The following GFRA1 variants were observed in gnomAD, a reference collection of about 807,000 sequenced individuals.
The protein encoded by GFRA1 is GDNF family receptor alpha-1.
In GFRA1, 16 loss-of-function variants were observed where a neutral mutation model predicts 51.6. The ratio of observed to expected loss-of-function variants is 0.31; its 90% CI spans 0.21 to 0.47. The LOEUF (loss-of-function observed/expected upper bound fraction) is 0.47. Among genes scored for constraint, GFRA1 ranks in the 20% least tolerant of loss-of-function variants. The probability of loss-of-function intolerance (pLI) is 1.00; values close to 1 mark genes in which losing one functional copy is unlikely to be tolerated. For missense variants in GFRA1, 530 were observed against 594.3 expected (o/e 0.89, Z 1.13); for synonymous variants, 270 against 241.3 (o/e 1.12, Z -1.10).
chr10:116,229,151 C>T (rs1487654703), intron 4 of GFRA1, among the ~76,000 whole-genome samples: 1 of 152,002 alleles, frequency 6.6e-6, no homozygotes, highest in African/African-American at 2.4e-5. Flanking sequence ...GAACTATACA[C>T]TAATAAATTT....
At chr10:116,261,099 C>T (rs1170634681) in intron 4 of GFRA1, among the ~76,000 whole-genome samples, 1 of 152,164 alleles carries the variant, frequency 6.6e-6, no homozygotes, top group Non-Finnish European at 1.5e-5. Context: ...GGCTGTGGCT[C>T]TCATGCTAAA....
chr10:116,115,309 G>C (rs894937935), intron 6 of GFRA1, among the ~76,000 whole-genome samples: 1 of 152,084 alleles, frequency 6.6e-6, no homozygotes, highest in Admixed American at 6.5e-5. Flanking sequence ...GCCTGGCTGT[G>C]AGACCCAGGC....
At chr10:116,162,616 T>C (rs1430584638) in intron 5 of GFRA1, among the ~76,000 whole-genome samples, 1 of 152,220 alleles carries the variant, frequency 6.6e-6, no homozygotes, top group Non-Finnish European at 1.5e-5. Context: ...CTGTACTTAA[T>C]GGAGGAGCTC....
rs146925081 is a variant in GFRA1 at position 116,100,871 on chromosome 10, T to C, written c.771-4107A>G. On this transcript the variant is annotated intron_variant, in intron 6 of 10. Transcript: ENST00000355422. The stretch of plus-strand genomic sequence containing the variant: ...GGATGCCCGGAAATGTGGATATCAA[T>C]AGAATGAAAGTCAAAACTTCGGACT... Among the ~76,000 whole-genome samples the C allele has an allele frequency of 3.3e-3, 501 of 152,162 alleles. 2 individuals carry two copies. The highest frequency in any genetic ancestry group is 0.012 in the African/African-American group (491 of 41,512).
intron 4 of GFRA1, among the ~76,000 whole-genome samples, chr10:116,223,557 C>A (rs1223486732): frequency 7.2e-5 from 11 of 152,182 alleles, no homozygotes; most frequent in Admixed American, 1.3e-4. Context: ...CTGGGCTGGG[C>A]TCCTCTACAT....
intron 5 of GFRA1, among the ~76,000 whole-genome samples, chr10:116,126,149 C>G (rs1165328710): frequency 1.3e-5 from 2 of 152,202 alleles, no homozygotes; most frequent in Admixed American, 6.5e-5. Context: ...TGGAAGAAAA[C>G]CAGGATAAAT....
chr10:116,108,364 G>A (rs920084969), intron 6 of GFRA1, among the ~76,000 whole-genome samples: 5 of 152,056 alleles, frequency 3.3e-5, no homozygotes, highest in Non-Finnish European at 4.4e-5. Context: ...GGCATTAGAC[G>A]TCAAATGAAT....
At chr10:116,168,144 ATTT>A (rs35559235) in intron 5 of GFRA1, among the ~76,000 whole-genome samples, 12 of 145,236 alleles carry the variant, frequency 8.3e-5, no homozygotes, top group Admixed American at 1.4e-4. Context: ...AAACCAGGGA[ATTT>A]TTTTTTTTTT....
chr10:116,230,149 A>G (rs1475397231), intron 4 of GFRA1, among the ~76,000 whole-genome samples: 4 of 152,190 alleles, frequency 2.6e-5, no homozygotes, highest in African/African-American at 9.7e-5. Context: ...CATCATCAAA[A>G]AGGAAACAGG....
In GFRA1 at chr10:116,162,804, A is replaced by C. The variant is rs568393433; in HGVS notation, c.434-37247T>G. On this transcript the variant is annotated intron_variant, in intron 5 of 10. Transcript: ENST00000355422. ...GTAGATGATATCTCAGTATAAAAGA[A>C]AGAAAAAAAAAAGGACTATGACTTA... 4.4e-4 allele frequency among the ~76,000 whole-genome samples: 67 copies of C among 152,356 alleles called. 1 individual carries two copies. The highest frequency in any genetic ancestry group is 1.5e-3 in the African/African-American group (64 of 41,574).
At chr10:116,126,775 A>T (rs1957895835) in intron 5 of GFRA1, among the ~76,000 whole-genome samples, 1 of 152,164 alleles carries the variant, frequency 6.6e-6, no homozygotes, top group African/African-American at 2.4e-5. Context: ...GTTGATAGGG[A>T]CCAGGAAGGC....
chr10:116,129,873 A>G (rs1958033733), intron 5 of GFRA1, among the ~76,000 whole-genome samples: 1 of 151,954 alleles, frequency 6.6e-6, no homozygotes. Context: ...TTTTGAGTCT[A>G]CAAGCTTCAT....
rs56263127 is a variant in GFRA1, at chr10:116,057,990, T to TTGTGTGTGTGTGTGTGTGTGTG, written c.*6386_*6407dup. The TTGTGTGTGTGTGTGTGTGTGTG allele has an allele frequency of 2.3e-5, 3 of 129,104 alleles. No individual in the cohort carries two copies. Among genetic ancestry groups the TTGTGTGTGTGTGTGTGTGTGTG allele is most frequent in the Admixed American group, 8.3e-5 (1 of 12,048 alleles). The allele number at this position is 129,104 out of a possible 1,614,324, so 8.0% of individuals were successfully genotyped here. A position where few individuals can be genotyped will look rare whatever the true frequency, so the allele number is the denominator to read the frequency against. ...GCTGGATCATATAGCCCTCCAATCA[T>TTGTGTGTGTGTGTGTGTGTGTG]TGTGTGTGTGTGTGTGTGTGTGTGT... On this transcript the variant is annotated 3_prime_UTR_variant, in exon 11 of 11. Transcript: ENST00000355422.
At chr10:116,173,339 T>C (rs1308428186) in intron 5 of GFRA1, among the ~76,000 whole-genome samples, 1 of 152,046 alleles carries the variant, frequency 6.6e-6, no homozygotes, top group Non-Finnish European at 1.5e-5. Flanking sequence ...TAAGGCTGTG[T>C]TGATTGGAGG....
At chr10:116,267,164 A>T (rs1239426766) in intron 4 of GFRA1, among the ~76,000 whole-genome samples, 1 of 152,120 alleles carries the variant, frequency 6.6e-6, no homozygotes, top group Non-Finnish European at 1.5e-5. Context: ...TTTTAAAAAA[A>T]TAATAAAAAC....
intron 5 of GFRA1, among the ~76,000 whole-genome samples, chr10:116,136,402 A>G (rs564596135): frequency 1.2e-4 from 19 of 152,336 alleles, no homozygotes; most frequent in African/African-American, 4.6e-4. Flanking sequence ...AAGGCTAAAC[A>G]TGTCTTTAAA....
At chr10:116,129,370 T>G (rs1441372071) in intron 5 of GFRA1, among the ~76,000 whole-genome samples, 3 of 152,172 alleles carry the variant, frequency 2.0e-5, no homozygotes. Flanking sequence ...AAGGTTAGTT[T>G]AATATTTAAA....
At chr10:116,166,533 C>G (rs184093248) in intron 5 of GFRA1, among the ~76,000 whole-genome samples, 1 of 152,096 alleles carries the variant, frequency 6.6e-6, no homozygotes, top group African/African-American at 2.4e-5. Flanking sequence ...TAAACACATT[C>G]GGATCTCCTT....
intron 4 of GFRA1, among the ~76,000 whole-genome samples, chr10:116,224,784 T>TACTAAAATCCATTTA (rs1413300098): frequency 6.6e-6 from 1 of 152,138 alleles, no homozygotes; most frequent in Non-Finnish European, 1.5e-5. Flanking sequence ...ACTCTGAATA[T>TACTAAAATCCATTTA]ACTAAAATCC....
Sources: allele counts gnomAD v4.1 joint callset (sites outside exome capture counted in the v4.1 genomes callset), GRCh38; gene constraint gnomAD v4.1.1; transcripts MANE v1.5; gene names NCBI Gene and HGNC (gene_info 2026-07-23, HGNC 2026-07-21).